Variants in LLGL1 observed in about 807,000 individuals in gnomAD.
LLGL1 encodes LLGL scribble cell polarity complex component 1.
Under a neutral mutation model 110.6 loss-of-function variants are expected in LLGL1, and 58 were observed. The ratio of observed to expected loss-of-function variants is 0.52; its 90% CI spans 0.42 to 0.65. The LOEUF (loss-of-function observed/expected upper bound fraction) is 0.65. Among genes scored for constraint, LLGL1 ranks in the 30% least tolerant of loss-of-function variants. The pLI is 0.00. For synonymous variants in LLGL1, 674 were observed against 607.2 expected, an observed-to-expected ratio of 1.11 and a Z score of -1.62; for missense variants, 1,229 against 1,462.1, an observed-to-expected ratio of 0.84 and a Z score of 2.60.
Position 18,240,910 on chromosome 17 carries a change from T to TC in LLGL1, c.2502+41dup, listed in dbSNP as rs1236752285. On this transcript the variant is annotated intron_variant, in intron 17 of 22. Coordinates refer to ENST00000316843, the MANE Select transcript of LLGL1 (RefSeq NM_004140.4). The surrounding 1 kb of genome is among the most constrained non-coding windows in gnomAD (Gnocchi z 5.3). ...TGGGCTGTGGGGGACTCTGGGGGAC[T>TC]CCCCTCCAGGCCCCAACCTCATGGA... 14 of 1,478,726 alleles carry TC rather than the reference T, an allele frequency of 9.5e-6. No individual in the cohort carries two copies. The highest frequency in any genetic ancestry group is 8.1e-6 in the Non-Finnish European group (9 of 1,104,674). 91.6% of individuals were successfully genotyped at this position (1,478,726 alleles called of 1,614,324 possible). A position where few individuals can be genotyped will look rare whatever the true frequency, so the allele number is the denominator to read the frequency against.
chr17:18,236,826 T>C lies in LLGL1; in HGVS notation c.1507-9T>C, dbSNP rs2047705376. 2 of 1,613,166 alleles carry C rather than the reference T, an allele frequency of 1.2e-6. No individual in the cohort carries two copies. Among genetic ancestry groups the C allele is most frequent in the Non-Finnish European group, 1.7e-6 (2 of 1,179,688 alleles). On this transcript the variant is annotated splice_polypyrimidine_tract_variant and intron_variant, in intron 12 of 22. Transcript: ENST00000316843. ...CGCCTGGACTCATTACTCCTTCCCATCCCTCTAGGTGGGCTGCTTCGATCC... is the reference window on the plus strand; with the variant it reads ...CGCCTGGACTCATTACTCCTTCCCACCCCTCTAGGTGGGCTGCTTCGATCC...
At chr17:18,233,416 G>A (rs552524899) in intron 4 of LLGL1, among the ~76,000 whole-genome samples, 1 of 152,240 alleles carries the variant, frequency 6.6e-6, no homozygotes, top group South Asian at 2.1e-4. Context: ...GCCCTCCTGC[G>A]AAGTCAGGAG....
rs763968580 is a variant in LLGL1, at chr17:18,238,183, G to C, written c.2021G>C (p.Gly674Ala). 1.9e-6 allele frequency: 3 copies of C among 1,612,512 alleles called. No homozygotes were observed. The South Asian group carries it at 3.3e-5, about 18-fold the overall frequency. ...CGCATTCGCAAGAGTCGTGTCTCTG[G>C]CAAGAAGCGGGCTGCTAATGCCAGC... is the stretch of plus-strand genomic sequence containing the variant. ...FRRIRKSRVS[G>A]KKRAANASSK... The change falls in exon 15 of 23, where the codon GGC becomes GCC. Residue 674 changes from glycine to alanine, a missense_variant. Transcript: ENST00000316843.
chr17:18,238,581 A>G lies in LLGL1; in HGVS notation c.2178A>G (p.Leu726=), dbSNP rs770050677. Residue 726 remains leucine (L), a synonymous_variant, in exon 16 of 23, where the codon CTA becomes CTG. Coordinates refer to ENST00000316843, the MANE Select transcript of LLGL1 (RefSeq NM_004140.4). ...DDSLSGVVRC[L]YFADTFLRDG... is the part of the protein sequence containing the mutation. ...CCTTGTCGGGTGTCGTGCGTTGCCT[A>G]TACTTTGCCGACACATTCCTTCGAG... 1.3e-5 allele frequency: 21 copies of G among 1,612,604 alleles called. No homozygotes were observed. The highest frequency in any genetic ancestry group is 4.5e-5 in the East Asian group (2 of 44,886).
At chr17:18,239,247 T>C (rs1338880227) in intron 16 of LLGL1, among the ~76,000 whole-genome samples, 1 of 151,936 alleles carries the variant, frequency 6.6e-6, no homozygotes, top group Non-Finnish European at 1.5e-5. Flanking sequence ...GTGGAGCAGG[T>C]GAGGGTCGAG....
intron 16 of LLGL1, among the ~76,000 whole-genome samples, chr17:18,239,210 G>C (rs2142685002): frequency 6.6e-6 from 1 of 152,298 alleles, no homozygotes; most frequent in Admixed American, 6.5e-5. Context: ...GCATGTGTGT[G>C]GGCAGCTGCC....
intron 17 of LLGL1, chr17:18,241,201 A>G: frequency 1.7e-6 from 1 of 601,644 alleles, no homozygotes; most frequent in Non-Finnish European, 2.9e-6. Context: ...TGATGGGGAT[A>G]CCAGCTGCAT....
In LLGL1 at chr17:18,234,961, T is replaced by C. The variant is rs751503572; in HGVS notation, c.1028T>C (p.Phe343Ser). ...GACTTCACTTCCCGCATCATCGACT[T>C]CTTCACAGTGCACAGCACACGGCCC... ...TLDFTSRIIDFFTVHSTRPED... is the reference protein window; with the variant it reads ...TLDFTSRIIDSFTVHSTRPED... The change falls in exon 9 of 23, where the codon TTC becomes TCC. Residue 343 changes from phenylalanine (F) to serine (S), a missense_variant. Phe to Ser is a radical substitution (Grantham distance 155). Transcript: ENST00000316843. 6.2e-7 allele frequency: 1 copy of C among 1,614,012 alleles called. No homozygotes were observed.
Position 18,240,920 on chromosome 17 carries a change from G to GCCCCAACCTCA in LLGL1, c.2502+48_2502+58dup, listed in dbSNP as rs1215178891. 1 of 1,466,704 alleles carries GCCCCAACCTCA rather than the reference G, an allele frequency of 6.8e-7. No individual in the cohort carries two copies. The highest frequency in any genetic ancestry group is 2.5e-5 in the East Asian group (1 of 39,936). 90.9% of individuals were successfully genotyped at this position (1,466,704 alleles called of 1,614,324 possible). A position where few individuals can be genotyped will look rare whatever the true frequency, so the allele number is the denominator to read the frequency against. ...GGGACTCTGGGGGACTCCCCTCCAG[G>GCCCCAACCTCA]CCCCAACCTCATGGACACCATTGGA... On this transcript the variant is annotated intron_variant, in intron 17 of 22. Transcript: ENST00000316843. This position sits in a 1 kb window ranked among gnomAD's most constrained non-coding sequence, Gnocchi z 5.3.
Position 18,241,660 on chromosome 17 carries a change from C to T in LLGL1, c.2712C>T (p.Ile904=). The T allele has an allele frequency of 1.2e-6, 2 of 1,613,746 alleles. No individual in the cohort carries two copies. Among genetic ancestry groups the T allele is most frequent in the Non-Finnish European group, 1.7e-6 (2 of 1,180,032 alleles). ...GGCCCCAGGTGCACTATTCCTGCAT[C>T]CGGAAGGAGGACATCAGCGGCATCG... ...GLRPQVHYSC[I]RKEDISGIAS... The change falls in exon 18 of 23, where the codon ATC becomes ATT. Residue 904 remains isoleucine (I), a synonymous_variant. Transcript: ENST00000316843.
intron 16 of LLGL1, among the ~76,000 whole-genome samples, chr17:18,239,196 C>T (rs2047767086): frequency 6.6e-6 from 1 of 152,162 alleles, no homozygotes; most frequent in Non-Finnish European, 1.5e-5. Context: ...AGGCCCCGAG[C>T]CGGGCATGTG....
chr17:18,243,432 A>G, intron 22 of LLGL1, among the ~76,000 whole-genome samples: 1 of 152,222 alleles, frequency 6.6e-6, no homozygotes, highest in East Asian at 1.9e-4. Context: ...AACCACTTAG[A>G]GGTGGCAGTA....
Position 18,242,817 on chromosome 17 carries a change from A to C in LLGL1, c.3191A>C (p.Lys1064Thr). The C allele has an allele frequency of 6.4e-7, 1 of 1,552,264 alleles. No homozygotes were observed. Among genetic ancestry groups the C allele is most frequent in the Non-Finnish European group, 8.7e-7 (1 of 1,148,122 alleles). ...DEAHACAILI[K>T] ...GCCCACGCCTGTGCCATCCTGATCA[A>C]ATGAGGTGCTGCAGGGGTGGGGCCC... Residue 1064 changes from lysine (K) to threonine (T), a missense_variant, in exon 22 of 23, where the codon AAA becomes ACA. By Grantham distance (78) the Lys-to-Thr change is moderately conservative. Transcript: ENST00000316843.
intron 11 of LLGL1, 25 bp downstream of exon 11, chr17:18,235,562 G>A: frequency 1.9e-6 from 3 of 1,607,992 alleles, no homozygotes; most frequent in Non-Finnish European, 2.5e-6. Flanking sequence ...TTATGTGGGT[G>A]AGTGGGCCCC....
intron 13 of LLGL1, 39 bp from the exon 14 acceptor site, chr17:18,237,442 C>G (rs925515529): frequency 1.7e-5 from 26 of 1,520,486 alleles, no homozygotes; most frequent in Non-Finnish European, 2.0e-5. Flanking sequence ...GCGGCCCCTC[C>G]CCTGCGCTGA....
Position 18,240,865 on chromosome 17 carries a change from C to T in LLGL1, c.2494C>T (p.Gln832Ter). 6.5e-7 allele frequency: 1 copy of T among 1,528,920 alleles called. No individual in the cohort carries two copies. Among genetic ancestry groups the T allele is most frequent in the Non-Finnish European group, 8.8e-7 (1 of 1,130,048 alleles). 94.7% of individuals were successfully genotyped at this position (1,528,920 alleles called of 1,614,324 possible). A position where few individuals can be genotyped will look rare whatever the true frequency, so the allele number is the denominator to read the frequency against. Reference sequence around the variant, plus strand: ...CGCTGTGCTCATCGCATCTGAGGAGCAGTTCAAGGTGAGCCACTGTGGGCT... The same window carrying T: ...CGCTGTGCTCATCGCATCTGAGGAGTAGTTCAAGGTGAGCCACTGTGGGCT... ...GHAVLIASEEQFKVFTLPKVS... is the reference protein window; with the variant it reads ...GHAVLIASEE The change falls in exon 17 of 23, where the codon CAG (glutamine) becomes TAG (stop). Residue 832 changes from glutamine (Q) to a stop codon, truncating the protein, a stop_gained. Transcript: ENST00000316843. LOFTEE classifies it high-confidence loss of function. This position sits in a 1 kb window ranked among gnomAD's most constrained non-coding sequence, Gnocchi z 5.3.
At chr17:18,236,239 G>A (rs1271162579) in intron 11 of LLGL1, 2 of 224,972 alleles carry the variant, frequency 8.9e-6, no homozygotes, top group Non-Finnish European at 8.8e-6. Context: ...GATGCCCCAT[G>A]CTCTGTTCTG....
At chr17:18,233,632 T>C in intron 4 of LLGL1, 146 bp from the exon 5 acceptor site, 4 of 768,326 alleles carry the variant, frequency 5.2e-6, no homozygotes, top group Non-Finnish European at 8.5e-6. Flanking sequence ...TGATGATGCA[T>C]GTCTTCCTGG....
At chr17:18,226,375 GT>G (rs1229591486) in intron 1 of LLGL1, among the ~76,000 whole-genome samples, 1 of 152,132 alleles carries the variant, frequency 6.6e-6, no homozygotes, top group East Asian at 1.9e-4. Flanking sequence ...CTGGGGCCCG[GT>G]TTGTTTTGTG....
Sources: gnomAD v4.1 joint callset for allele counts (sites outside exome capture counted in the v4.1 genomes callset) on GRCh38, gnomAD v4.1.1 for gene constraint, Gnocchi (gnomAD v3.1) non-coding constraint, MANE v1.5 for transcripts, NCBI Gene and HGNC (gene_info 2026-07-23, HGNC 2026-07-21) for gene names.